Variants in L3MBTL4 observed in about 807,000 individuals in gnomAD.
The protein encoded by L3MBTL4 is lethal(3)malignant brain tumor-like protein 4.
L3MBTL4 carries 70 observed loss-of-function variants against 84.5 expected under a neutral mutation model. The ratio of observed to expected loss-of-function variants is 0.83; its 90% confidence interval spans 0.68 to 1.01. L3MBTL4 has a LOEUF of 1.01. Ranked by LOEUF, L3MBTL4 falls within the 50% of genes least tolerant of loss-of-function variation. The pLI is 0.00. For missense variants in L3MBTL4, 715 were observed against 754.8 expected, an observed-to-expected ratio of 0.95 and a Z score of 0.62; for synonymous variants, 274 against 259.8, an observed-to-expected ratio of 1.05 and a Z score of -0.52.
intron 10 of L3MBTL4, among the ~76,000 whole-genome samples, chr18:6,226,994 A>C (rs1179961846): frequency 6.6e-6 from 1 of 152,184 alleles, no homozygotes; most frequent in Admixed American, 6.5e-5. Context: ...TATGCAATAC[A>C]AGCATTAATC....
At chr18:5,962,018 T>G (rs2095265994) in intron 17 of L3MBTL4, among the ~76,000 whole-genome samples, 1 of 152,134 alleles carries the variant, frequency 6.6e-6, no homozygotes, top group African/African-American at 2.4e-5. Context: ...TGTCTATGTG[T>G]GAGGCCTCAT....
chr18:6,134,526 A>G (rs1350371536), intron 14 of L3MBTL4, among the ~76,000 whole-genome samples: 1 of 152,212 alleles, frequency 6.6e-6, no homozygotes, highest in Non-Finnish European at 1.5e-5. Flanking sequence ...CCTAGATACA[A>G]TGGGGGTACA....
At chr18:5,975,347 T>A (rs1278545104) in intron 16 of L3MBTL4, among the ~76,000 whole-genome samples, 1 of 151,632 alleles carries the variant, frequency 6.6e-6, no homozygotes. Flanking sequence ...AAGGAGGAAA[T>A]AAAAAAAATG....
At chr18:5,982,579 A>G (rs2053283557) in intron 16 of L3MBTL4, among the ~76,000 whole-genome samples, 1 of 152,180 alleles carries the variant, frequency 6.6e-6, no homozygotes, top group Admixed American at 6.5e-5. Context: ...GGTCATGGAA[A>G]ATGCCCCGTA....
At chr18:5,995,486 A>T (rs1040449992) in intron 16 of L3MBTL4, among the ~76,000 whole-genome samples, 3 of 152,210 alleles carry the variant, frequency 2.0e-5, no homozygotes, top group Admixed American at 2.0e-4. Flanking sequence ...AGAAAATGGG[A>T]ACTCTGAATC....
chr18:6,329,728 T>C (rs2051926614), intron 1 of L3MBTL4, among the ~76,000 whole-genome samples: 1 of 152,162 alleles, frequency 6.6e-6, no homozygotes, highest in South Asian at 2.1e-4. Flanking sequence ...CCTCTTCTTA[T>C]GAAGTCACCA....
intron 1 of L3MBTL4, among the ~76,000 whole-genome samples, chr18:6,406,555 G>A (rs1302233653): frequency 1.3e-5 from 2 of 152,168 alleles, no homozygotes; most frequent in African/African-American, 4.8e-5. Context: ...GACTTCGGGT[G>A]ATTTTACCCC....
intron 16 of L3MBTL4, chr18:6,046,622 T>G: frequency 1.6e-6 from 1 of 623,520 alleles, no homozygotes; most frequent in Non-Finnish European, 2.9e-6. Context: ...ACACATTACA[T>G]GGAAATTAGA....
intron 4 of L3MBTL4, among the ~76,000 whole-genome samples, chr18:6,279,865 G>A (rs997923278): frequency 1.8e-4 from 27 of 152,142 alleles, no homozygotes; most frequent in African/African-American, 6.5e-4. Context: ...GCCACCGAAT[G>A]TAATAGATTA....
At chr18:6,316,070 C>T (rs910620411) in intron 1 of L3MBTL4, among the ~76,000 whole-genome samples, 1 of 151,344 alleles carries the variant, frequency 6.6e-6, no homozygotes, top group Non-Finnish European at 1.5e-5. Flanking sequence ...CCACCCCCAT[C>T]GGAGCTAGTG....
At chr18:6,174,896 T>A (rs896040981) in intron 12 of L3MBTL4, among the ~76,000 whole-genome samples, 16 of 150,602 alleles carry the variant, frequency 1.1e-4, no homozygotes, top group Non-Finnish European at 7.4e-5. Context: ...GATACAAGAT[T>A]TAAATAATAA....
chr18:6,328,961 G>A (rs1387543754), intron 1 of L3MBTL4, among the ~76,000 whole-genome samples: 1 of 152,100 alleles, frequency 6.6e-6, no homozygotes, highest in Non-Finnish European at 1.5e-5. Context: ...GCAGAAAAAT[G>A]CATAACAGCT....
At chr18:6,266,731 C>A (rs1382703189) in intron 4 of L3MBTL4, among the ~76,000 whole-genome samples, 1 of 152,070 alleles carries the variant, frequency 6.6e-6, no homozygotes, top group Non-Finnish European at 1.5e-5. Context: ...CGAGACCAGC[C>A]TGGTCAACAT....
rs1192177862 is a variant in L3MBTL4, at chr18:6,414,874, G to C, written c.-164C>G. The C allele has an allele frequency of 6.7e-6, 1 of 149,728 alleles. No individual in the cohort carries two copies. The highest frequency in any genetic ancestry group is 1.5e-5 in the Non-Finnish European group (1 of 67,210). The allele number at this position is 149,728 out of a possible 1,614,324, so 9.3% of individuals were successfully genotyped here. The stretch of plus-strand genomic sequence containing the variant: ...GGGGCGAGTCGGAGCGCGAGGTTCC[G>C]CCAGCCCAGGCTGCGGCGCCGCTGC... On this transcript the variant is annotated 5_prime_UTR_variant, in exon 1 of 19. Coordinates refer to ENST00000317931, the MANE Select transcript of L3MBTL4 (RefSeq NM_001330559.2). The surrounding 1 kb of genome is among the most constrained non-coding windows in gnomAD (Gnocchi z 5.4).
At chr18:6,133,403 G>A (rs8097157) in intron 14 of L3MBTL4, among the ~76,000 whole-genome samples, 30,964 of 151,622 alleles carry the variant, frequency 0.2, 4,261 homozygotes, top group African/African-American at 0.39. Context: ...TGATCTCCAT[G>A]GCTATATACT....
At chr18:6,215,655 A>G (rs2046293543) in intron 11 of L3MBTL4, 95 bp downstream of exon 11, 1 of 579,994 alleles carries the variant, frequency 1.7e-6, no homozygotes, top group African/African-American at 1.9e-5. Context: ...GAATTTAGAA[A>G]GAAAAAACTA....
chr18:6,206,625 G>C (rs766945167), intron 12 of L3MBTL4, among the ~76,000 whole-genome samples: 4 of 152,116 alleles, frequency 2.6e-5, no homozygotes, highest in Non-Finnish European at 5.9e-5. Context: ...TGAAAGGTAA[G>C]TCCCTACTAC....
At chr18:6,243,577 T>G in intron 6 of L3MBTL4, 148 bp from the exon 7 acceptor site, 1 of 564,760 alleles carries the variant, frequency 1.8e-6, no homozygotes, top group Non-Finnish European at 2.8e-6. Context: ...AAGAAGAAAT[T>G]TATGGATGAC....
chr18:6,029,721 C>T (rs554690341), intron 16 of L3MBTL4: 2 of 984,958 alleles, frequency 2.0e-6, no homozygotes, highest in African/African-American at 1.7e-5. Flanking sequence ...AAAGTTAAAT[C>T]ATAAATTTAT....
Sources: allele counts gnomAD v4.1 joint callset (sites outside exome capture counted in the v4.1 genomes callset), GRCh38; gene constraint gnomAD v4.1.1; non-coding constraint Gnocchi (gnomAD v3.1); transcripts MANE v1.5; gene names NCBI Gene and HGNC (gene_info 2026-07-23, HGNC 2026-07-21).